ANKRD33B: variants seen among roughly 807,000 people sequenced by gnomAD.
ANKRD33B encodes ankyrin repeat domain 33B.
In ANKRD33B, 6 loss-of-function variants were observed where a neutral mutation model predicts 21.5. The observed-to-expected ratio is 0.28, with a 90% CI of 0.15 to 0.55. ANKRD33B has a LOEUF of 0.55. Among genes scored for constraint, ANKRD33B ranks in the 20% least tolerant of loss-of-function variants. The pLI is 0.94. For synonymous variants in ANKRD33B, 347 were observed against 342.4 expected (o/e 1.01, Z -0.15); for missense variants, 698 against 747.2 (o/e 0.93, Z 0.77).
intron 1 of ANKRD33B, among the ~76,000 whole-genome samples, chr5:10,598,425 C>G (rs1735863078): frequency 6.6e-6 from 1 of 152,052 alleles, no homozygotes; most frequent in South Asian, 2.1e-4. Flanking sequence ...CACCACCATG[C>G]CTGGCTAATT....
chr5:10,634,692 G>A, intron 2 of ANKRD33B, among the ~76,000 whole-genome samples: 1 of 151,340 alleles, frequency 6.6e-6, no homozygotes, highest in African/African-American at 2.4e-5. Flanking sequence ...CTGGCCTCAA[G>A]TGATCTGCCT....
intron 1 of ANKRD33B, among the ~76,000 whole-genome samples, chr5:10,586,898 A>G (rs1735578006): frequency 1.3e-5 from 2 of 152,182 alleles, no homozygotes; most frequent in Admixed American, 1.3e-4. Context: ...CTTAGCTAAG[A>G]AATTGGGAGA....
rs968447109 is a variant in ANKRD33B, at chr5:10,649,503, C to T, written c.875C>T (p.Thr292Met). 9.8e-6 allele frequency: 15 copies of T among 1,534,562 alleles called. No homozygotes were observed. Among genetic ancestry groups the T allele is most frequent in the African/African-American group, 1.4e-5 (1 of 72,968 alleles). ...ACAGACTGCGTGCTGTCCGTGCTGA[C>T]GCCGCGCTCCGTGCGGGGCCCGGAG... ...RLTDCVLSVL[T>M]PRSVRGPEDG... is the part of the protein sequence containing the mutation. Residue 292 changes from threonine (T) to methionine (M), a missense_variant, in exon 4 of 4, where the codon ACG becomes ATG. Around this residue, in one of 3 missense-constraint regions of ANKRD33B, gnomAD observed 543 missense variants for 566.5 expected, o/e 0.96. Transcript: ENST00000296657.
At chr5:10,615,265 C>G (rs1401951751) in intron 1 of ANKRD33B, among the ~76,000 whole-genome samples, 2 of 152,210 alleles carry the variant, frequency 1.3e-5, no homozygotes, top group African/African-American at 2.4e-5. Flanking sequence ...TTAGCATATT[C>G]CAAGCTGGAA....
chr5:10,586,822 C>T (rs541755931), intron 1 of ANKRD33B, among the ~76,000 whole-genome samples: 1 of 152,160 alleles, frequency 6.6e-6, no homozygotes, highest in South Asian at 2.1e-4. Context: ...TTTTCTGAAA[C>T]ATTTACATAG....
At chr5:10,641,603 T>C (rs897689977) in intron 3 of ANKRD33B, among the ~76,000 whole-genome samples, 5 of 152,090 alleles carry the variant, frequency 3.3e-5, no homozygotes, top group African/African-American at 1.2e-4. Context: ...TTCCAACCAG[T>C]GTGCAGCACC....
chr5:10,598,361 G>A (rs1735861563), intron 1 of ANKRD33B, among the ~76,000 whole-genome samples: 2 of 152,070 alleles, frequency 1.3e-5, no homozygotes, highest in Admixed American at 1.3e-4. Flanking sequence ...CTGCCTCCTG[G>A]GTTCAAGCGA....
intron 1 of ANKRD33B, among the ~76,000 whole-genome samples, chr5:10,593,394 G>A (rs1735740647): frequency 6.6e-6 from 1 of 152,146 alleles, no homozygotes; most frequent in East Asian, 1.9e-4. Flanking sequence ...CATCTGCAAT[G>A]ACAGAATACT....
chr5:10,611,045 A>G (rs1736160472), intron 1 of ANKRD33B, among the ~76,000 whole-genome samples: 1 of 152,030 alleles, frequency 6.6e-6, no homozygotes, highest in Non-Finnish European at 1.5e-5. Context: ...CTCCTTCTCA[A>G]AATAAATAAA....
Position 10,618,391 on chromosome 5 carries a change from A to G in ANKRD33B, c.425A>G (p.Glu142Gly), listed in dbSNP as rs1367148632. 2 of 1,537,742 alleles carry G rather than the reference A, an allele frequency of 1.3e-6. No homozygotes were observed. Among genetic ancestry groups the G allele is most frequent in the Non-Finnish European group, 1.7e-6 (2 of 1,147,000 alleles). The change falls in exon 2 of 4, where the codon GAG (glutamate) becomes GGG (glycine). Residue 142 changes from glutamate (E) to glycine (G), a missense_variant. Glu to Gly is a moderately conservative substitution (Grantham distance 98, BLOSUM62 -2). This residue lies in a region of ANKRD33B where 543 missense variants were observed against 566.5 expected (regional missense o/e 0.96). Coordinates refer to ENST00000296657, the MANE Select transcript of ANKRD33B (RefSeq NM_001164440.2). ...GTGGATACCGTGGTGGCCTTAGCAG[A>G]GTGCCCCCACGTTGACGTCAACTGG... ...GFVDTVVALA[E>G]CPHVDVNWQD...
chr5:10,578,940 G>A (rs1427478075), intron 1 of ANKRD33B, among the ~76,000 whole-genome samples: 2 of 152,052 alleles, frequency 1.3e-5, no homozygotes, highest in Admixed American at 1.3e-4. Context: ...GAGGTGGGTG[G>A]ATTGCCTGAG....
intron 3 of ANKRD33B, among the ~76,000 whole-genome samples, chr5:10,638,515 A>C (rs978891008): frequency 3.9e-5 from 6 of 152,212 alleles, no homozygotes; most frequent in Non-Finnish European, 8.8e-5. Flanking sequence ...AAATGGCAAG[A>C]CTGTGCTGTT....
In ANKRD33B at chr5:10,638,046, A is replaced by C. The variant is rs1736912994; in HGVS notation, c.515A>C (p.Asn172Thr). ...TTTACAGGGCACGCTATCATCACTA[A>C]CTACTTGTTGAACTATTTCCCTGGT... ...AAQAGHAIIT[N>T]YLLNYFPGLD... The change falls in exon 3 of 4, where the codon AAC becomes ACC. Residue 172 changes from asparagine (N) to threonine (T), a missense_variant. Asn to Thr is a moderately conservative substitution (Grantham distance 65). Transcript: ENST00000296657. 2.6e-6 allele frequency: 4 copies of C among 1,537,610 alleles called. No individual in the cohort carries two copies. Among genetic ancestry groups the C allele is most frequent in the Non-Finnish European group, 3.5e-6 (4 of 1,146,962 alleles).
intron 1 of ANKRD33B, among the ~76,000 whole-genome samples, chr5:10,579,296 A>G (rs1735389880): frequency 6.6e-6 from 1 of 151,554 alleles, no homozygotes. Flanking sequence ...GAGTTCTAAC[A>G]TAGACAGGAA....
At chr5:10,637,293 T>C (rs1736889584) in intron 2 of ANKRD33B, among the ~76,000 whole-genome samples, 1 of 152,102 alleles carries the variant, frequency 6.6e-6, no homozygotes, top group Non-Finnish European at 1.5e-5. Flanking sequence ...GAAAGTTAGA[T>C]CCTTTTTGGA....
chr5:10,570,748 A>G (rs1288188167), intron 1 of ANKRD33B, among the ~76,000 whole-genome samples: 2 of 151,922 alleles, frequency 1.3e-5, no homozygotes, highest in African/African-American at 2.4e-5. Context: ...TTGTAGAGAC[A>G]GGATCTTGCT....
chr5:10,618,339 C>T lies in ANKRD33B; in HGVS notation c.373C>T (p.Leu125Phe), dbSNP rs1429509590. The T allele has an allele frequency of 2.0e-6, 3 of 1,537,422 alleles. No individual in the cohort carries two copies. Among genetic ancestry groups the T allele is most frequent in the Non-Finnish European group, 1.7e-6 (2 of 1,147,050 alleles). The change falls in exon 2 of 4, where the codon CTT becomes TTT. Residue 125 changes from leucine (L) to phenylalanine (F), a missense_variant. Leu to Phe is a conservative substitution (Grantham distance 22). Coordinates refer to ENST00000296657, the MANE Select transcript of ANKRD33B (RefSeq NM_001164440.2). ...QETDRNGRTG[L>F]IVACYHGFVD... is the part of the protein sequence containing the mutation. The stretch of plus-strand genomic sequence containing the variant: ...TTCCCCTCTTCATTTCTAGACCGGC[C>T]TTATTGTCGCCTGCTACCACGGCTT...
intron 1 of ANKRD33B, among the ~76,000 whole-genome samples, chr5:10,593,060 C>T (rs558221517): frequency 2.0e-5 from 3 of 152,200 alleles, no homozygotes; most frequent in Non-Finnish European, 2.9e-5. Flanking sequence ...ATCCACCCCT[C>T]ATATTGTCTT....
chr5:10,616,631 C>G (rs149426711), intron 1 of ANKRD33B, among the ~76,000 whole-genome samples: 123 of 149,528 alleles, frequency 8.2e-4, no homozygotes, highest in African/African-American at 3.0e-3. Context: ...TCAATATAAA[C>G]TTTGTGCCTC....
Sources: allele counts gnomAD v4.1 joint callset (sites outside exome capture counted in the v4.1 genomes callset), GRCh38; gene constraint gnomAD v4.1.1; regional missense constraint gnomAD v4.1.1; transcripts MANE v1.5; gene names NCBI Gene and HGNC (gene_info 2026-07-23, HGNC 2026-07-21).